Variants in LRRC28 observed in about 807,000 individuals in gnomAD.
The protein encoded by LRRC28 is leucine-rich repeat-containing protein 28.
LRRC28 carries 39 observed loss-of-function variants against 45.7 expected under a neutral mutation model. The observed-to-expected ratio is 0.85, with a 90% CI of 0.66 to 1.12. The LOEUF (loss-of-function observed/expected upper bound fraction) is 1.12, where lower values mean the gene tolerates loss of function less well. LRRC28 is among the 50% of genes most tolerant of loss of function. The pLI is 0.00. For synonymous variants in LRRC28, 206 were observed against 178.8 expected, an observed-to-expected ratio of 1.15 and a Z score of -1.22; for missense variants, 435 against 438.5, an observed-to-expected ratio of 0.99 and a Z score of 0.07.
At chr15:99,368,371 G>GA (rs1226303429) in intron 9 of LRRC28, among the ~76,000 whole-genome samples, 3 of 151,716 alleles carry the variant, frequency 2.0e-5, no homozygotes, top group Non-Finnish European at 2.9e-5. Context: ...ATGCTAGAAG[G>GA]AAAAAAAGGG....
chr15:99,345,702 A>G (rs979510641), intron 6 of LRRC28, among the ~76,000 whole-genome samples: 9 of 152,228 alleles, frequency 5.9e-5, no homozygotes, highest in African/African-American at 1.7e-4. Flanking sequence ...ATGTCCATGC[A>G]TGTTTACTTA....
At chr15:99,284,660 G>T in intron 3 of LRRC28, 1 of 517,490 alleles carries the variant, frequency 1.9e-6, no homozygotes, top group Non-Finnish European at 3.8e-6. Flanking sequence ...GCTGCTACTG[G>T]AACTGGCATA....
chr15:99,279,046 AAG>A (rs2081703467), intron 3 of LRRC28, among the ~76,000 whole-genome samples: 1 of 152,252 alleles, frequency 6.6e-6, no homozygotes, highest in Non-Finnish European at 1.5e-5. Context: ...GCCAAAGAGC[AAG>A]AGAGAGTATA....
At chr15:99,355,116 A>G (rs958857365) in intron 7 of LRRC28, among the ~76,000 whole-genome samples, 8 of 152,274 alleles carry the variant, frequency 5.3e-5, no homozygotes, top group African/African-American at 1.9e-4. Flanking sequence ...CAGAAGTCTC[A>G]TAAAATTCTT....
intron 2 of LRRC28, among the ~76,000 whole-genome samples, chr15:99,270,395 C>T (rs1034009250): frequency 6.6e-6 from 1 of 152,048 alleles, no homozygotes; most frequent in African/African-American, 2.4e-5. Context: ...GAGTAAAACC[C>T]CTCACCCATT....
At position 99,362,171 on chromosome 15, in the gene LRRC28, CTG is replaced by C. The variant is rs1372207841; in HGVS notation, c.871+663_871+664del. Among the ~76,000 whole-genome samples, 3 of 152,294 alleles carry C rather than the reference CTG, an allele frequency of 2.0e-5. No homozygotes were observed. In the East Asian group the frequency reaches 5.8e-4, roughly 29 times the overall value. ...AAATACATTTCAGGTGTTTTTAAAA[CTG>C]TGAAATGTTTCGTCTTTACTTAAAA... On this transcript the variant is annotated intron_variant, in intron 8 of 9. Transcript: ENST00000301981.
intron 9 of LRRC28, among the ~76,000 whole-genome samples, chr15:99,374,737 T>C (rs62025361): frequency 0.14 from 21,081 of 151,852 alleles, 1,532 homozygotes; most frequent in Non-Finnish European, 0.17. Flanking sequence ...TGCAGTGGCA[T>C]GATCTCGGCT....
intron 9 of LRRC28, among the ~76,000 whole-genome samples, chr15:99,382,789 A>G (rs1957868627): frequency 6.6e-6 from 1 of 151,810 alleles, no homozygotes; most frequent in African/African-American, 2.4e-5. Context: ...CTGCTGTTGG[A>G]TAGTGTTCTG....
Position 99,386,521 on chromosome 15 carries a change from A to C in LRRC28, c.*419A>C, listed in dbSNP as rs1957996843. ...CCCAGAGAGTTATTTCCCTGAGACC[A>C]TGTTCTCCACAGTGTCTCCAGTGGA... On this transcript the variant is annotated 3_prime_UTR_variant, in exon 10 of 10. Coordinates refer to ENST00000301981, the MANE Select transcript of LRRC28 (RefSeq NM_144598.5). 6.3e-6 allele frequency: 1 copy of C among 158,362 alleles called. No individual in the cohort carries two copies. Among genetic ancestry groups the C allele is most frequent in the South Asian group, 1.9e-4 (1 of 5,198 alleles). 9.8% of individuals were successfully genotyped at this position (158,362 alleles called of 1,614,324 possible). A position where few individuals can be genotyped will look rare whatever the true frequency, so the allele number is the denominator to read the frequency against.
In LRRC28 at chr15:99,388,837, A is replaced by G. The variant is rs1286464546; in HGVS notation, c.*2735A>G. On this transcript the variant is annotated 3_prime_UTR_variant, in exon 10 of 10. Coordinates refer to ENST00000301981, the MANE Select transcript of LRRC28 (RefSeq NM_144598.5). Reference sequence around the variant, plus strand: ...TCAGTGAACTCTTGTGTGGTTAGCGATAAGTTTTAAAGTCCAGGATAGCCT... The same window carrying G: ...TCAGTGAACTCTTGTGTGGTTAGCGGTAAGTTTTAAAGTCCAGGATAGCCT... 1 of 152,226 alleles carries G rather than the reference A, an allele frequency of 6.6e-6. No individual in the cohort carries two copies. The highest frequency in any genetic ancestry group is 2.1e-4 in the South Asian group (1 of 4,828). 9.4% of individuals were successfully genotyped at this position (152,226 alleles called of 1,614,324 possible).
chr15:99,257,210 T>C (rs1169795719), intron 2 of LRRC28, among the ~76,000 whole-genome samples: 2 of 152,228 alleles, frequency 1.3e-5, no homozygotes, highest in Admixed American at 6.5e-5. Context: ...TATTGGCATA[T>C]ATGTTGAATG....
intron 9 of LRRC28, among the ~76,000 whole-genome samples, chr15:99,375,240 T>C (rs2152336510): frequency 6.6e-6 from 1 of 152,320 alleles, no homozygotes; most frequent in South Asian, 2.1e-4. Flanking sequence ...TATGATCATA[T>C]GGTTTTTCTT....
At position 99,275,527 on chromosome 15, in the gene LRRC28, G is replaced by T. The variant is rs987012873; in HGVS notation, c.169-1049G>T. Among the ~76,000 whole-genome samples the T allele has an allele frequency of 9.2e-5, 14 of 152,338 alleles. No individual in the cohort carries two copies. The East Asian group carries it at 2.7e-3, about 29-fold the overall frequency. ...TCGAGGAGCATGATTTGGGAATTTGGAGGATATATTAGTTTTTCAGGGCTG... is the reference window on the plus strand; with the variant it reads ...TCGAGGAGCATGATTTGGGAATTTGTAGGATATATTAGTTTTTCAGGGCTG... On this transcript the variant is annotated intron_variant, in intron 2 of 9. Coordinates refer to ENST00000301981, the MANE Select transcript of LRRC28 (RefSeq NM_144598.5).
At chr15:99,285,273 T>C in intron 3 of LRRC28, 2 of 736,564 alleles carry the variant, frequency 2.7e-6, no homozygotes, top group Non-Finnish European at 5.0e-6. Context: ...TTTTTCACAG[T>C]TAAGTAGGCA....
chr15:99,323,467 A>G (rs986768786), intron 5 of LRRC28, among the ~76,000 whole-genome samples: 1 of 152,166 alleles, frequency 6.6e-6, no homozygotes, highest in Non-Finnish European at 1.5e-5. Flanking sequence ...AGTTAACTTA[A>G]GTGTGTGGGA....
intron 2 of LRRC28, among the ~76,000 whole-genome samples, chr15:99,263,938 C>T (rs1280144041): frequency 1.3e-5 from 2 of 152,206 alleles, no homozygotes; most frequent in Non-Finnish European, 2.9e-5. Context: ...AATGGCATAA[C>T]GTTCGAGGGA....
intron 9 of LRRC28, among the ~76,000 whole-genome samples, chr15:99,376,536 GA>G (rs1040885445): frequency 6.6e-5 from 10 of 151,832 alleles, no homozygotes; most frequent in African/African-American, 1.2e-4. Flanking sequence ...TCATTTAGTT[GA>G]AAAAAAATTT....
chr15:99,258,129 G>T, intron 2 of LRRC28: 4 of 1,608,196 alleles, frequency 2.5e-6, no homozygotes, highest in East Asian at 2.2e-5. Flanking sequence ...GCCAAATCTT[G>T]AACAAACGAG....
chr15:99,365,443 T>G (rs1313944410), intron 9 of LRRC28, among the ~76,000 whole-genome samples: 1 of 152,376 alleles, frequency 6.6e-6, no homozygotes, highest in Non-Finnish European at 1.5e-5. Flanking sequence ...TTTGTGGCTT[T>G]CATTCAGCCC....
Sources: allele counts gnomAD v4.1 joint callset (sites outside exome capture counted in the v4.1 genomes callset), GRCh38; gene constraint gnomAD v4.1.1; transcripts MANE v1.5; gene names NCBI Gene and HGNC (gene_info 2026-07-23, HGNC 2026-07-21).